The following UGP2 variants were observed in gnomAD, a reference collection of about 807,000 sequenced individuals.
UGP2 encodes the protein UTP--glucose-1-phosphate uridylyltransferase.
UGP2 carries 40 observed loss-of-function variants against 49.0 expected under a neutral mutation model. That is an observed-to-expected ratio of 0.82 (90% CI 0.63 to 1.06). The LOEUF (loss-of-function observed/expected upper bound fraction) is 1.06. Ranked by LOEUF, UGP2 falls within the 50% of genes least tolerant of loss-of-function variation. The pLI is 0.00. For missense variants in UGP2, 460 were observed against 603.5 expected, an observed-to-expected ratio of 0.76 and a Z score of 2.49; for synonymous variants, 225 against 213.0, an observed-to-expected ratio of 1.06 and a Z score of -0.49.
At chr2:63,857,358 G>GTTTGTTTGTT (rs1452116569) in intron 2 of UGP2, among the ~76,000 whole-genome samples, 1 of 151,688 alleles carries the variant, frequency 6.6e-6, no homozygotes, top group Non-Finnish European at 1.5e-5. Flanking sequence ...AATGGTGTTT[G>GTTTGTTTGTT]TTTGTTTGTT....
intron 3 of UGP2, 58 bp downstream of exon 3, chr2:63,857,994 T>C: frequency 6.5e-7 from 1 of 1,529,512 alleles, no homozygotes; most frequent in Non-Finnish European, 9.0e-7. Flanking sequence ...TGGTTTTAAC[T>C]TAGGACGGTT....
At chr2:63,862,333 A>G (rs1669904803) in intron 3 of UGP2, among the ~76,000 whole-genome samples, 1 of 152,146 alleles carries the variant, frequency 6.6e-6, no homozygotes, top group Non-Finnish European at 1.5e-5. Flanking sequence ...ATATAGAAAT[A>G]CTGACACTAA....
At chr2:63,857,300 CAAAA>C (rs1403972100) in intron 2 of UGP2, among the ~76,000 whole-genome samples, 2 of 110,000 alleles carry the variant, frequency 1.8e-5, no homozygotes, top group Admixed American at 9.3e-5. Context: ...GACTCTGTCT[CAAAA>C]AAAAAAAAAA....
At chr2:63,877,999 C>CAAA (rs61669991) in intron 3 of UGP2, among the ~76,000 whole-genome samples, 48 of 67,904 alleles carry the variant, frequency 7.1e-4, no homozygotes, top group Admixed American at 1.2e-3. Flanking sequence ...GACTCCGTCT[C>CAAA]AAAAAAAAAA....
Position 63,841,967 on chromosome 2 carries a change from T to G in UGP2, c.-219T>G. 1 of 520,694 alleles carries G rather than the reference T, an allele frequency of 1.9e-6. No homozygotes were observed. The highest frequency in any genetic ancestry group is 3.1e-6 in the Non-Finnish European group (1 of 323,540). 32.3% of individuals were successfully genotyped at this position (520,694 alleles called of 1,614,324 possible). On this transcript the variant is annotated 5_prime_UTR_variant, in exon 1 of 10. Transcript: ENST00000337130. ...CCAAACCGACTCAGTCGCACCAAGT[T>G]TCCGTCTTTTGGAATTGGGGAAGGA...
At chr2:63,855,518 CTG>C (rs1472270839) in intron 1 of UGP2, 17 of 175,168 alleles carry the variant, frequency 9.7e-5, no homozygotes, top group African/African-American at 5.1e-4. Context: ...GTTTCTTTTT[CTG>C]TTTTTTTTTT....
intron 9 of UGP2, among the ~76,000 whole-genome samples, chr2:63,890,636 T>TA (rs1331954694): frequency 1.3e-5 from 2 of 152,200 alleles, no homozygotes; most frequent in African/African-American, 4.8e-5. Context: ...CCATTAAAGC[T>TA]ACTTACTTAA....
At chr2:63,875,347 A>AG (rs1439362261) in intron 3 of UGP2, among the ~76,000 whole-genome samples, 2 of 152,234 alleles carry the variant, frequency 1.3e-5, no homozygotes, top group African/African-American at 2.4e-5. Flanking sequence ...CATACAGGGC[A>AG]GGTACTGTTA....
intron 2 of UGP2, 147 bp from the exon 3 acceptor site, chr2:63,857,682 A>T (rs1345103892): frequency 2.0e-5 from 16 of 818,628 alleles, no homozygotes; most frequent in Non-Finnish European, 3.2e-5. Flanking sequence ...AGCTTTTAGG[A>T]TGTGAAAAAG....
intron 3 of UGP2, among the ~76,000 whole-genome samples, chr2:63,872,271 C>T (rs1040206759): frequency 3.9e-5 from 6 of 152,234 alleles, no homozygotes; most frequent in African/African-American, 1.4e-4. Flanking sequence ...CTTTTATGTA[C>T]CACTAATAAA....
chr2:63,842,529 C>T (rs529063606), intron 1 of UGP2: 1 of 1,533,182 alleles, frequency 6.5e-7, no homozygotes, highest in African/African-American at 1.4e-5. Flanking sequence ...TTTTCCTGGT[C>T]TGTGTCAAGG....
intron 5 of UGP2, among the ~76,000 whole-genome samples, chr2:63,884,926 GA>G (rs147028455): frequency 0.017 from 2,368 of 141,374 alleles, 60 homozygotes; most frequent in African/African-American, 0.054. Flanking sequence ...AAATAAAAAA[GA>G]AGGACATTTC....
chr2:63,850,317 CA>C (rs1344032978), intron 1 of UGP2, among the ~76,000 whole-genome samples: 1 of 151,906 alleles, frequency 6.6e-6, no homozygotes, highest in Non-Finnish European at 1.5e-5. Context: ...TTTTTGTTAT[CA>C]AAAAGCATTT....
intron 1 of UGP2, among the ~76,000 whole-genome samples, chr2:63,852,253 A>G (rs1168114117): frequency 6.6e-6 from 1 of 152,224 alleles, no homozygotes; most frequent in East Asian, 1.9e-4. Context: ...GAGCTACTCA[A>G]AGCCATACTG....
intron 3 of UGP2, among the ~76,000 whole-genome samples, chr2:63,867,374 C>G (rs981047349): frequency 6.6e-6 from 1 of 152,102 alleles, no homozygotes; most frequent in South Asian, 2.1e-4. Context: ...CTTTAAGTGT[C>G]GGTTTCCTTA....
chr2:63,882,440 C>T (rs780519475), intron 3 of UGP2, 26 bp from the exon 4 acceptor site: 1 of 1,515,698 alleles, frequency 6.6e-7, no homozygotes, highest in African/African-American at 1.4e-5. Context: ...GTTTAAATTA[C>T]TCCTATAATG....
chr2:63,866,695 A>C (rs184189645), intron 3 of UGP2, among the ~76,000 whole-genome samples: 1 of 152,178 alleles, frequency 6.6e-6, no homozygotes, highest in Non-Finnish European at 1.5e-5. Context: ...ACTCCTGGAG[A>C]ATAAGAATGC....
chr2:63,846,359 TAATA>T lies in UGP2; in HGVS notation c.19+4160_19+4163del, dbSNP rs1254905613. ...TAATCACTCTAAATGTTTTGAAACTTAATAAATAGTGAAGAGAGTAATGTTGTCT... is the reference window on the plus strand; with the variant it reads ...TAATCACTCTAAATGTTTTGAAACTTAATAGTGAAGAGAGTAATGTTGTCT... On this transcript the variant is annotated intron_variant, in intron 1 of 9. Transcript: ENST00000337130. Among the ~76,000 whole-genome samples, 5 of 152,322 alleles carry T rather than the reference TAATA, an allele frequency of 3.3e-5. No individual in the cohort carries two copies. The East Asian group carries it at 5.8e-4, about 18-fold the overall frequency.
chr2:63,876,664 G>A (rs1184577998), intron 3 of UGP2, among the ~76,000 whole-genome samples: 2 of 152,190 alleles, frequency 1.3e-5, no homozygotes, highest in East Asian at 3.8e-4. Context: ...AAGAGGTGGG[G>A]CGGCTTTCTG....
Sources: allele counts gnomAD v4.1 joint callset (sites outside exome capture counted in the v4.1 genomes callset), GRCh38; gene constraint gnomAD v4.1.1; transcripts MANE v1.5; gene names NCBI Gene and HGNC (gene_info 2026-07-23, HGNC 2026-07-21).